Variants in AGBL1 observed in about 807,000 individuals in gnomAD.
The protein encoded by AGBL1 is AGBL carboxypeptidase 1.
AGBL1 carries 130 observed loss-of-function variants against 118.9 expected under a neutral mutation model. That is an observed-to-expected ratio of 1.09 (90% CI 0.95 to 1.26). The LOEUF is 1.26. AGBL1 is among the 50% of genes most tolerant of loss of function. AGBL1 has a pLI of 0.00. For synonymous variants in AGBL1, 555 were observed against 478.9 expected, an observed-to-expected ratio of 1.16 and a Z score of -2.08; for missense variants, 1,584 against 1,298.1, an observed-to-expected ratio of 1.22 and a Z score of -3.38.
chr15:86,959,206 GCT>G (rs1172634065), intron 23 of AGBL1, among the ~76,000 whole-genome samples: 2 of 151,990 alleles, frequency 1.3e-5, no homozygotes, highest in South Asian at 2.1e-4. Flanking sequence ...TAATCTTATT[GCT>G]CTCTGTTTTT....
intron 18 of AGBL1, among the ~76,000 whole-genome samples, chr15:86,452,924 C>G (rs984482889): frequency 6.6e-6 from 1 of 152,188 alleles, no homozygotes; most frequent in Non-Finnish European, 1.5e-5. Flanking sequence ...CCGGTCTGCT[C>G]TGCTCAATAA....
intron 1 of AGBL1, among the ~76,000 whole-genome samples, chr15:86,117,954 A>C (rs1897864805): frequency 6.6e-6 from 1 of 152,202 alleles, no homozygotes; most frequent in African/African-American, 2.4e-5. Context: ...AACTGTCAAG[A>C]CTTGCTCTGC....
At chr15:86,861,286 C>A (rs777648890) in intron 22 of AGBL1, among the ~76,000 whole-genome samples, 1 of 152,076 alleles carries the variant, frequency 6.6e-6, no homozygotes, top group Non-Finnish European at 1.5e-5. Context: ...AGATATGATA[C>A]CTGCCCTCAG....
intron 1 of AGBL1, among the ~76,000 whole-genome samples, chr15:86,139,517 T>G (rs1336919325): frequency 6.6e-6 from 1 of 152,124 alleles, no homozygotes; most frequent in African/African-American, 2.4e-5. Flanking sequence ...GTGTGGTGGC[T>G]CATGCCTGTA....
chr15:86,816,419 G>T (rs953006962), intron 22 of AGBL1, among the ~76,000 whole-genome samples: 1 of 152,186 alleles, frequency 6.6e-6, no homozygotes, highest in African/African-American at 2.4e-5. Flanking sequence ...ATGCCATTGT[G>T]ACTTTCAAAA....
At position 86,778,439 on chromosome 15, in the gene AGBL1, A is replaced by G. The variant is rs2078288508; in HGVS notation, c.3158+104003A>G. Among the ~76,000 whole-genome samples the G allele has an allele frequency of 2.0e-5, 3 of 152,078 alleles. No individual in the cohort carries two copies. The South Asian group carries it at 6.2e-4, about 31-fold the overall frequency. On this transcript the variant is annotated intron_variant, in intron 22 of 22. Transcript: ENST00000614907. Reference sequence around the variant, plus strand: ...GCTACGGGAGACTGCGGCTTATTTCATCCCTACAGCTTCGACTGTAAAAGA... The same window carrying G: ...GCTACGGGAGACTGCGGCTTATTTCGTCCCTACAGCTTCGACTGTAAAAGA...
At chr15:86,637,587 A>G (rs2085117858) in intron 21 of AGBL1, among the ~76,000 whole-genome samples, 1 of 152,230 alleles carries the variant, frequency 6.6e-6, no homozygotes, top group African/African-American at 2.4e-5. Context: ...TGTACAATAT[A>G]AAGTATGGAT....
chr15:86,587,076 A>G (rs570351722), intron 21 of AGBL1, among the ~76,000 whole-genome samples: 1 of 152,286 alleles, frequency 6.6e-6, no homozygotes, highest in East Asian at 1.9e-4. Flanking sequence ...CAGATTTGCA[A>G]CTGAGGCTTC....
At chr15:86,244,286 A>G (rs1041378830) in intron 6 of AGBL1, among the ~76,000 whole-genome samples, 6 of 152,092 alleles carry the variant, frequency 3.9e-5, no homozygotes, top group African/African-American at 1.4e-4. Flanking sequence ...GCAGTATTCA[A>G]AAATGCACCT....
At chr15:86,364,506 C>T (rs771269817) in intron 17 of AGBL1, among the ~76,000 whole-genome samples, 5 of 152,082 alleles carry the variant, frequency 3.3e-5, no homozygotes, top group Non-Finnish European at 7.4e-5. Flanking sequence ...AATTTTAATG[C>T]GTCCACCATT....
chr15:86,779,748 A>T (rs2078305832), intron 22 of AGBL1, among the ~76,000 whole-genome samples: 1 of 152,034 alleles, frequency 6.6e-6, no homozygotes, highest in Non-Finnish European at 1.5e-5. Context: ...TTGTGGTTTA[A>T]TTTCCATTTT....
chr15:86,324,326 A>T (rs965556671), intron 17 of AGBL1, among the ~76,000 whole-genome samples: 4 of 152,170 alleles, frequency 2.6e-5, no homozygotes, highest in Middle Eastern at 3.2e-3. Context: ...GTCAGATAAG[A>T]CTTAAAAGAG....
At chr15:86,638,783 G>C (rs951093608) in intron 21 of AGBL1, among the ~76,000 whole-genome samples, 1 of 152,136 alleles carries the variant, frequency 6.6e-6, no homozygotes, top group African/African-American at 2.4e-5. Context: ...AAACTCAGAG[G>C]CATAAAACAC....
intron 22 of AGBL1, among the ~76,000 whole-genome samples, chr15:86,862,191 G>T (rs943716077): frequency 1.3e-5 from 2 of 152,130 alleles, no homozygotes; most frequent in Non-Finnish European, 2.9e-5. Flanking sequence ...ACTGCTTGAG[G>T]AATGTTACTT....
chr15:86,147,391 A>G (rs1193621120), intron 3 of AGBL1, among the ~76,000 whole-genome samples: 1 of 152,178 alleles, frequency 6.6e-6, no homozygotes, highest in East Asian at 1.9e-4. Context: ...ACCTGGAAAA[A>G]TGGGGGCACT....
intron 22 of AGBL1, among the ~76,000 whole-genome samples, chr15:86,683,695 T>A (rs765021725): frequency 9.9e-5 from 15 of 152,086 alleles, no homozygotes; most frequent in Non-Finnish European, 2.1e-4. Context: ...TGGAAAAGGA[T>A]TTCAATCAAG....
intron 24 of AGBL1, among the ~76,000 whole-genome samples, chr15:86,996,003 A>G (rs928385104): frequency 4.6e-5 from 7 of 152,026 alleles, no homozygotes; most frequent in Non-Finnish European, 7.4e-5. Context: ...TGAGTTTGCA[A>G]TTTTCTCAGG....
At chr15:86,420,720 AG>A (rs572642414) in intron 18 of AGBL1, among the ~76,000 whole-genome samples, 1 of 152,222 alleles carries the variant, frequency 6.6e-6, no homozygotes, top group Non-Finnish European at 1.5e-5. Context: ...CCTTGAAAAA[AG>A]TTAGAGGAAT....
At chr15:86,953,228 G>C (rs540049761) in intron 23 of AGBL1, among the ~76,000 whole-genome samples, 1 of 152,216 alleles carries the variant, frequency 6.6e-6, no homozygotes, top group South Asian at 2.1e-4. Context: ...GATAGGAACA[G>C]TGTTAAATCT....
Sources: allele counts gnomAD v4.1 joint callset (sites outside exome capture counted in the v4.1 genomes callset), GRCh38; gene constraint gnomAD v4.1.1; transcripts MANE v1.5; gene names NCBI Gene and HGNC (gene_info 2026-07-23, HGNC 2026-07-21).